BACH2: variants seen among roughly 807,000 people sequenced by gnomAD.
BACH2 encodes the protein transcription regulator protein BACH2.
A neutral mutation model predicts 61.8 loss-of-function variants in BACH2; 5 were observed. The observed-to-expected ratio is 0.08, with a 90% CI of 0.04 to 0.17. BACH2 has a LOEUF of 0.17. BACH2 is among the 10% of genes least tolerant of loss of function. The pLI, the probability that BACH2 is intolerant of heterozygous loss-of-function variation, is 1.00. For missense variants in BACH2, 824 were observed against 1,091.1 expected (o/e 0.76, Z 3.45); for synonymous variants, 446 against 440.1 (o/e 1.01, Z -0.17).
At chr6:90,119,017 ACTAT>A (rs1185996650) in intron 4 of BACH2, among the ~76,000 whole-genome samples, 25 of 152,352 alleles carry the variant, frequency 1.6e-4, no homozygotes, top group African/African-American at 5.8e-4. Flanking sequence ...CCCAGTCTCA[ACTAT>A]CTATCAAATG....
At chr6:89,958,624 A>G (rs1774558300) in intron 6 of BACH2, among the ~76,000 whole-genome samples, 1 of 152,174 alleles carries the variant, frequency 6.6e-6, no homozygotes, top group Admixed American at 6.5e-5. Flanking sequence ...GTTCAATATA[A>G]ATGTTTACAG....
chr6:90,270,475 C>T (rs1771483289), intron 2 of BACH2, among the ~76,000 whole-genome samples: 1 of 152,106 alleles, frequency 6.6e-6, no homozygotes, highest in African/African-American at 2.4e-5. Context: ...CCTTTTACAA[C>T]AGCTGCTAAA....
At chr6:90,269,718 T>A (rs1582552396) in intron 2 of BACH2, among the ~76,000 whole-genome samples, 3 of 152,300 alleles carry the variant, frequency 2.0e-5, no homozygotes, top group Admixed American at 2.0e-4. Context: ...CAGCCCCAAG[T>A]GTGGCAGTGC....
At chr6:90,156,116 G>A (rs1784988472) in intron 4 of BACH2, among the ~76,000 whole-genome samples, 1 of 152,152 alleles carries the variant, frequency 6.6e-6, no homozygotes, top group Non-Finnish European at 1.5e-5. Context: ...ATCCCAATGT[G>A]CATGGGGCCC....
chr6:90,114,456 A>C (rs1783310001), intron 4 of BACH2, among the ~76,000 whole-genome samples: 1 of 152,212 alleles, frequency 6.6e-6, no homozygotes, highest in South Asian at 2.1e-4. Flanking sequence ...GCTTTTGATA[A>C]AATTCAACAT....
At chr6:90,207,245 A>C (rs1266443809) in intron 3 of BACH2, among the ~76,000 whole-genome samples, 3 of 151,990 alleles carry the variant, frequency 2.0e-5, no homozygotes, top group Non-Finnish European at 4.4e-5. Context: ...CAGCCTCCCA[A>C]GCAGCTGGGG....
intron 4 of BACH2, among the ~76,000 whole-genome samples, chr6:90,095,937 G>A (rs1269373037): frequency 6.6e-6 from 1 of 152,180 alleles, no homozygotes; most frequent in Non-Finnish European, 1.5e-5. Flanking sequence ...AGGTCATACT[G>A]CTGGAGACAG....
chr6:90,065,705 T>C (rs1052971462), intron 5 of BACH2, among the ~76,000 whole-genome samples: 1 of 152,188 alleles, frequency 6.6e-6, no homozygotes, highest in African/African-American at 2.4e-5. Context: ...TAGTAAATGC[T>C]TGTTGTTTTA....
intron 4 of BACH2, among the ~76,000 whole-genome samples, chr6:90,167,565 C>T (rs1230449076): frequency 6.6e-6 from 1 of 152,084 alleles, no homozygotes; most frequent in Non-Finnish European, 1.5e-5. Context: ...ACCATGTTGT[C>T]CAGGCTGGTC....
At chr6:89,964,739 A>G (rs1774954150) in intron 6 of BACH2, among the ~76,000 whole-genome samples, 1 of 152,182 alleles carries the variant, frequency 6.6e-6, no homozygotes, top group Non-Finnish European at 1.5e-5. Flanking sequence ...GTACATGGGA[A>G]TAGGAACATG....
intron 4 of BACH2, among the ~76,000 whole-genome samples, chr6:90,164,495 C>T (rs940123476): frequency 2.7e-3 from 403 of 151,952 alleles, no homozygotes; most frequent in African/African-American, 9.4e-3. Context: ...CAAGGAGGAG[C>T]TGGTACCATT....
chr6:90,098,126 C>T lies in BACH2; in HGVS notation c.-161-9017G>A, dbSNP rs147159674. On this transcript the variant is annotated intron_variant, in intron 4 of 8. Coordinates refer to ENST00000257749, the MANE Select transcript of BACH2 (RefSeq NM_021813.4). ...ATTTCTTGGAAAGACAGGCATTTAC[C>T]AATGCACTGCATCTAGATGGAGCTG... is the stretch of plus-strand genomic sequence containing the variant. Among the ~76,000 whole-genome samples the T allele has an allele frequency of 5.3e-5, 8 of 152,260 alleles. No homozygotes were observed. The East Asian group carries it at 1.5e-3, about 29-fold the overall frequency.
intron 7 of BACH2, among the ~76,000 whole-genome samples, chr6:89,947,570 CTT>C (rs1350987737): frequency 2.8e-5 from 4 of 144,908 alleles, no homozygotes; most frequent in Non-Finnish European, 3.1e-5. Flanking sequence ...ATTTTTCTTT[CTT>C]TTTTTTTTTT....
At chr6:89,980,139 C>A (rs751274772) in intron 6 of BACH2, among the ~76,000 whole-genome samples, 1 of 152,014 alleles carries the variant, frequency 6.6e-6, no homozygotes, top group East Asian at 1.9e-4. Flanking sequence ...TACAAAAATA[C>A]AAAAATTAGC....
At chr6:90,240,207 T>C (rs1770398478) in intron 3 of BACH2, among the ~76,000 whole-genome samples, 1 of 152,156 alleles carries the variant, frequency 6.6e-6, no homozygotes, top group Non-Finnish European at 1.5e-5. Context: ...AATGAAAAAA[T>C]ACTGCATTTT....
chr6:90,035,462 G>C (rs1191139883), intron 5 of BACH2, among the ~76,000 whole-genome samples: 2 of 152,258 alleles, frequency 1.3e-5, no homozygotes, highest in East Asian at 3.9e-4. Context: ...TTTTAGAGAG[G>C]AGATTTGTAA....
At chr6:90,136,274 A>T (rs1784268589) in intron 4 of BACH2, among the ~76,000 whole-genome samples, 1 of 152,232 alleles carries the variant, frequency 6.6e-6, no homozygotes, top group Admixed American at 6.5e-5. Flanking sequence ...ATTATGGATA[A>T]ATAGGACTAT....
At chr6:90,205,601 T>G (rs1360699149) in intron 4 of BACH2, among the ~76,000 whole-genome samples, 1 of 152,210 alleles carries the variant, frequency 6.6e-6, no homozygotes, top group East Asian at 1.9e-4. Flanking sequence ...TGAGAATCCC[T>G]GCTCCAGCCA....
intron 6 of BACH2, among the ~76,000 whole-genome samples, chr6:89,998,308 C>A (rs1317100599): frequency 6.6e-6 from 1 of 152,158 alleles, no homozygotes; most frequent in Admixed American, 6.5e-5. Flanking sequence ...AATGCATTAA[C>A]TTTTTCACAA....
Sources: allele counts gnomAD v4.1 joint callset (sites outside exome capture counted in the v4.1 genomes callset), GRCh38; gene constraint gnomAD v4.1.1; transcripts MANE v1.5; gene names NCBI Gene and HGNC (gene_info 2026-07-23, HGNC 2026-07-21).